DYM: variants seen among roughly 807,000 people sequenced by gnomAD.
The protein encoded by DYM is dyggve-Melchior-Clausen syndrome protein.
A neutral mutation model predicts 93.1 loss-of-function variants in DYM; 78 were observed. The observed-to-expected ratio is 0.84, with a 90% CI of 0.70 to 1.01. The LOEUF is 1.01. Ranked by LOEUF, DYM falls within the 50% of genes least tolerant of loss-of-function variation. The pLI is 0.00. For missense variants in DYM, 789 were observed against 845.0 expected (o/e 0.93, Z 0.82); for synonymous variants, 321 against 319.7 (o/e 1.00, Z -0.04).
At chr18:49,266,101 CA>C (rs1351188287) in intron 11 of DYM, among the ~76,000 whole-genome samples, 2 of 151,656 alleles carry the variant, frequency 1.3e-5, no homozygotes, top group East Asian at 3.9e-4. Flanking sequence ...GACTCTGTCT[CA>C]AAAAAATTTT....
intron 8 of DYM, among the ~76,000 whole-genome samples, chr18:49,330,210 GT>G (rs1269791368): frequency 1.3e-5 from 2 of 152,132 alleles, no homozygotes. Context: ...GAAGAAAGCT[GT>G]GTAAAATGTC....
intron 14 of DYM, among the ~76,000 whole-genome samples, chr18:49,179,017 T>C (rs1052170013): frequency 6.6e-6 from 1 of 151,914 alleles, no homozygotes; most frequent in African/African-American, 2.4e-5. Flanking sequence ...CTGAAGGGCA[T>C]TGATACATTA....
At position 49,331,987 on chromosome 18, in the gene DYM, G is replaced by C. The variant is rs1394607540; in HGVS notation, c.640C>G (p.Leu214Val). The C allele has an allele frequency of 6.2e-7, 1 of 1,613,806 alleles. No homozygotes were observed. The highest frequency in any genetic ancestry group is 1.7e-5 in the Admixed American group (1 of 60,000). ...AAGTTATATAATAAGGTCTTCACAAGTTTGCTGGTGTATGGAAGACTATAC... is the reference window on the plus strand; with the variant it reads ...AAGTTATATAATAAGGTCTTCACAACTTTGCTGGTGTATGGAAGACTATAC... ...RGPCLPYTSK[L>V]VKTLLYNFIR... Residue 214 changes from leucine (L) to valine (V), a missense_variant, in exon 8 of 18, where the codon CTT becomes GTT. By Grantham distance (32) the Leu-to-Val change is conservative (BLOSUM62 1). Coordinates refer to ENST00000675505, the MANE Select transcript of DYM (RefSeq NM_001353214.3).
intron 11 of DYM, among the ~76,000 whole-genome samples, chr18:49,265,155 G>A (rs924796745): frequency 2.0e-5 from 3 of 152,114 alleles, no homozygotes; most frequent in Non-Finnish European, 4.4e-5. Flanking sequence ...GGTAACATGT[G>A]GTAAAAAAAA....
chr18:49,344,704 G>GA (rs1387910888), intron 6 of DYM, among the ~76,000 whole-genome samples: 619 of 143,050 alleles, frequency 4.3e-3, no homozygotes, highest in Non-Finnish European at 7.7e-3. Flanking sequence ...ACCTTTTGGG[G>GA]AAAAAAAAAA....
chr18:49,430,883 C>A (rs2080262965), intron 1 of DYM, among the ~76,000 whole-genome samples: 2 of 129,360 alleles, frequency 1.5e-5, no homozygotes, highest in Admixed American at 7.7e-5. Flanking sequence ...GACTCCATCT[C>A]AAAAAAAAAA....
At chr18:49,205,848 G>C (rs1458953435) in intron 14 of DYM, 1 of 156,466 alleles carries the variant, frequency 6.4e-6, no homozygotes, top group Non-Finnish European at 1.4e-5. Context: ...GAAACAGCAA[G>C]AGCTTTACTG....
intron 14 of DYM, among the ~76,000 whole-genome samples, chr18:49,203,686 A>G (rs2145959994): frequency 7.1e-6 from 1 of 140,744 alleles, no homozygotes; most frequent in Non-Finnish European, 1.5e-5. Context: ...CCAATCCCTA[A>G]TCTCAAGTAA....
At chr18:49,156,624 TG>T (rs1947302829) in intron 15 of DYM, among the ~76,000 whole-genome samples, 1 of 149,466 alleles carries the variant, frequency 6.7e-6, no homozygotes, top group South Asian at 2.1e-4. Context: ...CCCAGCTACT[TG>T]GGAGGCTGAG....
chr18:49,226,829 T>G (rs1376730360), intron 13 of DYM, among the ~76,000 whole-genome samples: 1 of 152,110 alleles, frequency 6.6e-6, no homozygotes, highest in African/African-American at 2.4e-5. Flanking sequence ...CCAGTGGGAA[T>G]GCAGTTGACT....
At chr18:49,300,651 T>C (rs775672108) in intron 8 of DYM, among the ~76,000 whole-genome samples, 5 of 152,128 alleles carry the variant, frequency 3.3e-5, no homozygotes, top group Non-Finnish European at 5.9e-5. Context: ...ACTGCTTATA[T>C]TGCAAAAACT....
intron 13 of DYM, among the ~76,000 whole-genome samples, chr18:49,249,250 A>G (rs1219726157): frequency 6.6e-6 from 1 of 152,224 alleles, no homozygotes; most frequent in African/African-American, 2.4e-5. Flanking sequence ...ATGTAACACA[A>G]GAGAGATAAG....
chr18:49,268,079 A>C (rs2094602235), intron 11 of DYM, among the ~76,000 whole-genome samples: 1 of 152,242 alleles, frequency 6.6e-6, no homozygotes, highest in Non-Finnish European at 1.5e-5. Flanking sequence ...ATAATTTAAA[A>C]AATGGCAAAA....
chr18:49,206,841 G>C (rs1281185170), intron 14 of DYM, among the ~76,000 whole-genome samples: 1 of 152,184 alleles, frequency 6.6e-6, no homozygotes, highest in Non-Finnish European at 1.5e-5. Flanking sequence ...CCCCAGCTGA[G>C]AGTACTGAGA....
At chr18:49,326,683 A>T (rs563997047) in intron 8 of DYM, among the ~76,000 whole-genome samples, 1 of 152,228 alleles carries the variant, frequency 6.6e-6, no homozygotes, top group Non-Finnish European at 1.5e-5. Flanking sequence ...TTAGTGTAAG[A>T]TAGATAAATT....
chr18:49,365,099 C>G (rs771508946), intron 5 of DYM, among the ~76,000 whole-genome samples: 22 of 151,878 alleles, frequency 1.4e-4, no homozygotes, highest in Admixed American at 2.0e-4. Context: ...GAACTGAGCC[C>G]AAGCATCTCA....
chr18:49,164,514 G>C (rs2087619241), intron 14 of DYM, among the ~76,000 whole-genome samples: 1 of 152,226 alleles, frequency 6.6e-6, no homozygotes, highest in Non-Finnish European at 1.5e-5. Context: ...CAGCAGTGTT[G>C]TGCTGAGCTA....
chr18:49,166,033 C>A (rs951149908), intron 14 of DYM, among the ~76,000 whole-genome samples: 1 of 151,982 alleles, frequency 6.6e-6, no homozygotes, highest in African/African-American at 2.4e-5. Context: ...TTTTTCCAAT[C>A]ATTTTATTTT....
At chr18:49,254,547 T>A (rs2094354235) in intron 13 of DYM, among the ~76,000 whole-genome samples, 2 of 152,070 alleles carry the variant, frequency 1.3e-5, no homozygotes. Flanking sequence ...CTATGTTTCT[T>A]ATTTCTTCAA....
Sources: allele counts gnomAD v4.1 joint callset (sites outside exome capture counted in the v4.1 genomes callset), GRCh38; gene constraint gnomAD v4.1.1; transcripts MANE v1.5; gene names NCBI Gene and HGNC (gene_info 2026-07-23, HGNC 2026-07-21).